Variants in MAMDC2 observed in about 807,000 individuals in gnomAD.
The protein encoded by MAMDC2 is MAM domain containing 2.
A neutral mutation model predicts 89.8 loss-of-function variants in MAMDC2; 57 were observed. That is an observed-to-expected ratio of 0.63 (90% CI 0.51 to 0.79). The LOEUF (loss-of-function observed/expected upper bound fraction) is 0.79. MAMDC2 is among the 30% of genes least tolerant of loss of function. The pLI is 0.00. For synonymous variants in MAMDC2, 313 were observed against 293.4 expected (o/e 1.07, Z -0.68); for missense variants, 800 against 820.6 (o/e 0.97, Z 0.31).
At chr9:70,048,917 T>G (rs1406269729) in intron 2 of MAMDC2, among the ~76,000 whole-genome samples, 1 of 152,172 alleles carries the variant, frequency 6.6e-6, no homozygotes, top group Non-Finnish European at 1.5e-5. Context: ...AGGAAGCCAC[T>G]TGAGGAGCTG....
intron 4 of MAMDC2, 85 bp from the exon 5 acceptor site, chr9:70,112,910 A>G (rs1828547811): frequency 1.3e-6 from 2 of 1,539,150 alleles, no homozygotes; most frequent in East Asian, 4.5e-5. Flanking sequence ...AAACTTCTGA[A>G]TATCTAAGAG....
At chr9:70,098,720 T>C (rs141821467) in intron 2 of MAMDC2, among the ~76,000 whole-genome samples, 1 of 152,136 alleles carries the variant, frequency 6.6e-6, no homozygotes, top group Admixed American at 6.5e-5. Flanking sequence ...GAAAAGGAAA[T>C]ATTTGGAGAC....
At chr9:70,126,096 T>A in intron 5 of MAMDC2, 63 bp from the exon 6 acceptor site, 1 of 1,498,378 alleles carries the variant, frequency 6.7e-7, no homozygotes, top group South Asian at 1.3e-5. Flanking sequence ...CCATTTCGCC[T>A]GAACCTCTTC....
chr9:70,159,853 T>G (rs2031903337), intron 9 of MAMDC2, among the ~76,000 whole-genome samples: 1 of 152,136 alleles, frequency 6.6e-6, no homozygotes, highest in African/African-American at 2.4e-5. Flanking sequence ...GAAACCACAT[T>G]GTATTTTTAG....
At chr9:70,065,632 G>C (rs966592734) in intron 2 of MAMDC2, among the ~76,000 whole-genome samples, 7 of 147,680 alleles carry the variant, frequency 4.7e-5, no homozygotes, top group Non-Finnish European at 1.0e-4. Flanking sequence ...GAATAAGGCA[G>C]AAAAACCATG....
At chr9:70,058,412 G>C (rs772440255) in intron 2 of MAMDC2, among the ~76,000 whole-genome samples, 8 of 152,056 alleles carry the variant, frequency 5.3e-5, no homozygotes, top group South Asian at 2.1e-4. Flanking sequence ...GGTCTCAAAG[G>C]GTCCTTGTGA....
At chr9:70,048,615 C>A (rs1414168620) in intron 2 of MAMDC2, among the ~76,000 whole-genome samples, 3 of 152,168 alleles carry the variant, frequency 2.0e-5, no homozygotes, top group Non-Finnish European at 2.9e-5. Context: ...CTGTTTTATC[C>A]TGTGAAAATC....
At chr9:70,045,860 A>G (rs1006904139) in intron 2 of MAMDC2, among the ~76,000 whole-genome samples, 2 of 152,228 alleles carry the variant, frequency 1.3e-5, no homozygotes, top group Non-Finnish European at 2.9e-5. Flanking sequence ...ACAGGAAGGA[A>G]CTGGTTCAGT....
intron 2 of MAMDC2, among the ~76,000 whole-genome samples, chr9:70,067,128 C>T (rs374701156): frequency 1.7e-4 from 26 of 152,248 alleles, no homozygotes; most frequent in African/African-American, 3.9e-4. Context: ...GTTCTAGCTC[C>T]GGGATGACAC....
chr9:70,096,618 C>T (rs1247984613), intron 2 of MAMDC2, among the ~76,000 whole-genome samples: 1 of 152,106 alleles, frequency 6.6e-6, no homozygotes, highest in Non-Finnish European at 1.5e-5. Flanking sequence ...ATATTGCCAG[C>T]CCCAATCAAA....
chr9:70,222,448 T>A (rs974744308), intron 12 of MAMDC2, among the ~76,000 whole-genome samples: 3 of 151,896 alleles, frequency 2.0e-5, no homozygotes, highest in African/African-American at 7.3e-5. Flanking sequence ...GTATTTAGAG[T>A]GTGATAGTAC....
At chr9:70,224,446 C>G (rs1294078383) in intron 12 of MAMDC2, among the ~76,000 whole-genome samples, 1 of 152,154 alleles carries the variant, frequency 6.6e-6, no homozygotes, top group African/African-American at 2.4e-5. Context: ...GATGGTATAA[C>G]TATTAGTCTG....
chr9:70,138,083 C>T (rs977591893), intron 7 of MAMDC2, among the ~76,000 whole-genome samples: 13 of 152,154 alleles, frequency 8.5e-5, no homozygotes, highest in Admixed American at 3.3e-4. Context: ...TAAGTCTCCA[C>T]CGCCTATCAT....
intron 11 of MAMDC2, among the ~76,000 whole-genome samples, chr9:70,176,543 ACT>A (rs983213986): frequency 2.0e-5 from 3 of 152,086 alleles, no homozygotes; most frequent in Non-Finnish European, 4.4e-5. Context: ...ATTAAATAAA[ACT>A]CTCTGGTGCA....
chr9:70,217,915 CA>C (rs2033479739), intron 11 of MAMDC2, among the ~76,000 whole-genome samples: 1 of 152,112 alleles, frequency 6.6e-6, no homozygotes, highest in Non-Finnish European at 1.5e-5. Flanking sequence ...TTCATTAGAC[CA>C]GAATCACATA....
chr9:70,134,881 A>G (rs547315346), intron 7 of MAMDC2, among the ~76,000 whole-genome samples: 68 of 152,292 alleles, frequency 4.5e-4, no homozygotes, highest in Non-Finnish European at 7.9e-4. Flanking sequence ...GGGCTGGCAC[A>G]TGCTAGAGTA....
At chr9:70,205,010 C>A (rs138203079) in intron 11 of MAMDC2, among the ~76,000 whole-genome samples, 3 of 152,218 alleles carry the variant, frequency 2.0e-5, no homozygotes, top group African/African-American at 7.2e-5. Context: ...AGAAATCACC[C>A]GTCTTCTGCC....
Position 70,112,050 on chromosome 9 carries a change from C to T in MAMDC2, c.506-945C>T, listed in dbSNP as rs532100874. 1.6e-3 allele frequency among the ~76,000 whole-genome samples: 239 copies of T among 152,252 alleles called. 1 individual carries two copies. Among genetic ancestry groups the T allele is most frequent in the African/African-American group, 5.4e-3 (224 of 41,538 alleles). ...CATTCTCCTTCCACCCTCCATTGGT[C>T]GAATCCAACAGGGAGATGGAAGGCA... On this transcript the variant is annotated intron_variant, in intron 4 of 13. Coordinates refer to ENST00000377182, the MANE Select transcript of MAMDC2 (RefSeq NM_153267.5).
At chr9:70,209,488 AT>A (rs1468913295) in intron 11 of MAMDC2, among the ~76,000 whole-genome samples, 6 of 152,160 alleles carry the variant, frequency 3.9e-5, no homozygotes, top group Admixed American at 1.3e-4. Context: ...TCCCTTTATC[AT>A]TTTTTATTGC....
Sources: allele counts gnomAD v4.1 joint callset (sites outside exome capture counted in the v4.1 genomes callset), GRCh38; gene constraint gnomAD v4.1.1; transcripts MANE v1.5; gene names NCBI Gene and HGNC (gene_info 2026-07-23, HGNC 2026-07-21).